Variants in SCHIP1 observed in about 807,000 individuals in gnomAD.
SCHIP1 encodes schwannomin-interacting protein 1.
A neutral mutation model predicts 29.7 loss-of-function variants in SCHIP1; 8 were observed. The observed-to-expected ratio is 0.27, with a 90% CI of 0.16 to 0.49. The LOEUF (loss-of-function observed/expected upper bound fraction) is 0.49. SCHIP1 is among the 20% of genes least tolerant of loss of function. The pLI is 0.99. For synonymous variants in SCHIP1, 76 were observed against 94.9 expected, an observed-to-expected ratio of 0.80 and a Z score of 1.16; for missense variants, 193 against 294.6, an observed-to-expected ratio of 0.66 and a Z score of 2.52.
the SCHIP1 span, among the ~76,000 whole-genome samples, chr3:159,571,048 G>A: frequency 1.8e-4 from 27 of 152,234 alleles, no homozygotes; most frequent in East Asian, 1.5e-3. Flanking sequence ...GGGCTGAGAC[G>A]ACGGGGTTTT....
chr3:159,682,646 C>T, the SCHIP1 span, among the ~76,000 whole-genome samples: 11 of 152,122 alleles, frequency 7.2e-5, no homozygotes, highest in Admixed American at 3.9e-4. Context: ...ATTGACAGAG[C>T]GTCTGGTGAC....
chr3:159,297,217 A>G, the SCHIP1 span, among the ~76,000 whole-genome samples: 1 of 151,502 alleles, frequency 6.6e-6, no homozygotes, highest in African/African-American at 2.4e-5. Context: ...ACTCTTAGGT[A>G]CTTCCATAGT....
chr3:159,791,035 C>G, the SCHIP1 span, among the ~76,000 whole-genome samples: 1 of 152,134 alleles, frequency 6.6e-6, no homozygotes, highest in Non-Finnish European at 1.5e-5. Flanking sequence ...TGGGCGGACC[C>G]CTCACACCTT....
the SCHIP1 span, among the ~76,000 whole-genome samples, chr3:159,392,806 G>A: frequency 6.6e-6 from 1 of 152,160 alleles, no homozygotes; most frequent in African/African-American, 2.4e-5. Flanking sequence ...AGCATGATTT[G>A]TAGTCCTTTG....
chr3:159,549,451 G>A, the SCHIP1 span, among the ~76,000 whole-genome samples: 1 of 152,118 alleles, frequency 6.6e-6, no homozygotes, highest in South Asian at 2.1e-4. Flanking sequence ...AAGGTTAAAT[G>A]AGTTCATAAG....
chr3:159,300,112 G>GTTTTTTTTTTTTT, the SCHIP1 span, among the ~76,000 whole-genome samples: 3 of 47,628 alleles, frequency 6.3e-5, no homozygotes, highest in Admixed American at 2.1e-4. Context: ...AGGGAAAGCT[G>GTTTTTTTTTTTTT]CTTTTTTTTT....
At chr3:159,666,997 T>C in the SCHIP1 span, among the ~76,000 whole-genome samples, 1 of 152,192 alleles carries the variant, frequency 6.6e-6, no homozygotes, top group Admixed American at 6.5e-5. Flanking sequence ...GGTAAAATGT[T>C]ACCCACCTCA....
rs1560086802 is a variant in SCHIP1 at position 159,861,089 on chromosome 3, TTAAA to T, written c.31-5071_31-5068del. The stretch of plus-strand genomic sequence containing the variant: ...TCCCACAAAAAATATAGTTTGTTAA[TTAAA>T]TAGATTTTGAAAATGCAGAAAACAC... On this transcript the variant is annotated intron_variant, in intron 1 of 6. Coordinates refer to ENST00000445224, the Ensembl canonical transcript of SCHIP1. The surrounding 1 kb of genome is among the most constrained non-coding windows in gnomAD (Gnocchi z 4.1). Among the ~76,000 whole-genome samples, 1 of 152,220 alleles carries T rather than the reference TTAAA, an allele frequency of 6.6e-6. No individual in the cohort carries two copies. Among genetic ancestry groups the T allele is most frequent in the South Asian group, 2.1e-4 (1 of 4,832 alleles).
the SCHIP1 span, among the ~76,000 whole-genome samples, chr3:159,612,934 A>G: frequency 6.6e-6 from 1 of 152,240 alleles, no homozygotes; most frequent in Non-Finnish European, 1.5e-5. Context: ...TTCTATAATT[A>G]TATGATGAGG....
the SCHIP1 span, among the ~76,000 whole-genome samples, chr3:159,326,177 G>A: frequency 6.6e-6 from 1 of 152,064 alleles, no homozygotes; most frequent in Non-Finnish European, 1.5e-5. Context: ...TCCACAGACT[G>A]GTTCTTGATT....
the SCHIP1 span, among the ~76,000 whole-genome samples, chr3:159,478,124 T>C: frequency 1.3e-5 from 2 of 152,040 alleles, no homozygotes; most frequent in Non-Finnish European, 2.9e-5. Context: ...GGTTTCACCA[T>C]GTTGGCCAGG....
At chr3:159,822,338 G>C in the SCHIP1 span, among the ~76,000 whole-genome samples, 1 of 152,088 alleles carries the variant, frequency 6.6e-6, no homozygotes, top group Non-Finnish European at 1.5e-5. Context: ...GTACAGAATG[G>C]TGAAAAGTGG....
At chr3:159,465,374 AGAAAGAG>A in the SCHIP1 span, among the ~76,000 whole-genome samples, 85 of 147,936 alleles carry the variant, frequency 5.7e-4, no homozygotes, top group African/African-American at 2.0e-3. Flanking sequence ...GAAATTAGAG[AGAAAGAG>A]AGAGAAAGAG....
the SCHIP1 span, among the ~76,000 whole-genome samples, chr3:159,559,503 G>A: frequency 1.3e-5 from 2 of 152,076 alleles, no homozygotes; most frequent in African/African-American, 2.4e-5. Context: ...AACTTCCCCC[G>A]AAATACTTTA....
chr3:159,397,571 T>G, the SCHIP1 span, among the ~76,000 whole-genome samples: 1 of 152,158 alleles, frequency 6.6e-6, no homozygotes, highest in African/African-American at 2.4e-5. Context: ...TCTGTTGGAG[T>G]ACCCTGCTGT....
chr3:159,646,856 A>G, the SCHIP1 span, among the ~76,000 whole-genome samples: 1 of 152,074 alleles, frequency 6.6e-6, no homozygotes. Context: ...GGCAGGCCTC[A>G]AGGCTGAGGA....
the SCHIP1 span, among the ~76,000 whole-genome samples, chr3:159,494,104 T>C: frequency 6.6e-6 from 1 of 152,134 alleles, no homozygotes; most frequent in Non-Finnish European, 1.5e-5. Context: ...TTCAAAGCAG[T>C]GTGTAGAGGG....
the SCHIP1 span, among the ~76,000 whole-genome samples, chr3:159,740,140 CAG>C: frequency 1.3e-5 from 2 of 152,218 alleles, no homozygotes; most frequent in Non-Finnish European, 2.9e-5. Context: ...TCTGCAAATG[CAG>C]AGATTCACAA....
chr3:159,362,030 G>T, the SCHIP1 span, among the ~76,000 whole-genome samples: 1 of 152,156 alleles, frequency 6.6e-6, no homozygotes, highest in Non-Finnish European at 1.5e-5. Flanking sequence ...TATATAGTTG[G>T]TGAAGTCATT....
Sources: allele counts gnomAD v4.1 joint callset (sites outside exome capture counted in the v4.1 genomes callset), GRCh38; gene constraint gnomAD v4.1.1; non-coding constraint Gnocchi (gnomAD v3.1); transcripts MANE v1.5; gene names NCBI Gene and HGNC (gene_info 2026-07-23, HGNC 2026-07-21).